FRMD5: variants seen among roughly 807,000 people sequenced by gnomAD.
The protein encoded by FRMD5 is FERM domain containing 5, also known as FERM domain-containing protein 5.
FRMD5 carries 20 observed loss-of-function variants against 69.0 expected under a neutral mutation model. The ratio of observed to expected loss-of-function variants is 0.29; its 90% CI spans 0.20 to 0.42. The LOEUF (loss-of-function observed/expected upper bound fraction) is 0.42, where lower values mean the gene tolerates loss of function less well. FRMD5 is among the 10% of genes least tolerant of loss of function. FRMD5 has a pLI of 1.00. For missense variants in FRMD5, 595 were observed against 708.6 expected, an observed-to-expected ratio of 0.84 and a Z score of 1.82; for synonymous variants, 271 against 260.1, an observed-to-expected ratio of 1.04 and a Z score of -0.40.
At chr15:44,181,970 T>G (rs554507501) in intron 1 of FRMD5, among the ~76,000 whole-genome samples, 4 of 151,880 alleles carry the variant, frequency 2.6e-5, no homozygotes, top group Non-Finnish European at 4.4e-5. Flanking sequence ...GATGGGTTCA[T>G]TTTTTCACCT....
At chr15:44,083,704 C>T (rs1178338709) in intron 1 of FRMD5, among the ~76,000 whole-genome samples, 5 of 151,888 alleles carry the variant, frequency 3.3e-5, no homozygotes, top group African/African-American at 4.8e-5. Flanking sequence ...TGGAATAAAA[C>T]GGGACACATG....
intron 1 of FRMD5, among the ~76,000 whole-genome samples, chr15:43,964,315 C>T (rs963840509): frequency 1.3e-5 from 2 of 151,614 alleles, no homozygotes; most frequent in African/African-American, 4.8e-5. Flanking sequence ...CCTTTTGTGG[C>T]TATTTTCCTG....
At chr15:43,905,623 C>T (rs2089152257) in intron 6 of FRMD5, among the ~76,000 whole-genome samples, 1 of 152,196 alleles carries the variant, frequency 6.6e-6, no homozygotes, top group Admixed American at 6.5e-5. Context: ...AATCGCTTTT[C>T]TTGGAGAGGG....
chr15:44,135,324 G>A (rs909879104), intron 1 of FRMD5, among the ~76,000 whole-genome samples: 1 of 151,862 alleles, frequency 6.6e-6, no homozygotes, highest in Non-Finnish European at 1.5e-5. Context: ...AGCCTACTAT[G>A]AACAAAACAA....
intron 1 of FRMD5, among the ~76,000 whole-genome samples, chr15:44,191,882 A>G (rs1394404226): frequency 1.5e-5 from 2 of 129,284 alleles, no homozygotes; most frequent in Middle Eastern, 8.3e-3. Context: ...GTAAGCTGAT[A>G]AATGTGGTAA....
intron 1 of FRMD5, among the ~76,000 whole-genome samples, chr15:44,177,758 C>T (rs2077924393): frequency 6.6e-6 from 1 of 152,020 alleles, no homozygotes; most frequent in Non-Finnish European, 1.5e-5. Flanking sequence ...TGAAAGAAGC[C>T]AGACTCAAAA....
At chr15:44,179,271 T>C (rs1010016805) in intron 1 of FRMD5, among the ~76,000 whole-genome samples, 3 of 152,180 alleles carry the variant, frequency 2.0e-5, no homozygotes, top group African/African-American at 7.2e-5. Flanking sequence ...TATAAGACTT[T>C]GAATCTGAAA....
chr15:44,096,457 C>T (rs990156517), intron 1 of FRMD5, among the ~76,000 whole-genome samples: 2 of 145,584 alleles, frequency 1.4e-5, no homozygotes, highest in African/African-American at 5.1e-5. Flanking sequence ...GGCTGGAGTA[C>T]AATGGTGTGA....
intron 1 of FRMD5, among the ~76,000 whole-genome samples, 167 bp from the exon 2 acceptor site, chr15:43,924,476 A>T (rs760239852): frequency 4.6e-5 from 7 of 152,108 alleles, no homozygotes; most frequent in Admixed American, 6.5e-5. Flanking sequence ...CACTGTCTGG[A>T]ATCCAGAGGC....
chr15:44,053,575 C>G (rs559100660), intron 1 of FRMD5, among the ~76,000 whole-genome samples: 1 of 152,150 alleles, frequency 6.6e-6, no homozygotes, highest in South Asian at 2.1e-4. Flanking sequence ...ATTGAGAAGA[C>G]TCTGTGACAT....
intron 4 of FRMD5, among the ~76,000 whole-genome samples, chr15:43,910,521 C>A (rs1040950420): frequency 1.4e-5 from 2 of 142,184 alleles, no homozygotes; most frequent in Admixed American, 1.5e-4. Flanking sequence ...GAAGAGTGAG[C>A]CGAGATTGTG....
At chr15:43,934,324 G>C (rs190106830) in intron 1 of FRMD5, among the ~76,000 whole-genome samples, 4 of 152,194 alleles carry the variant, frequency 2.6e-5, no homozygotes, top group Admixed American at 2.0e-4. Context: ...TTCCCTTTCT[G>C]TGCCTCAGTT....
chr15:44,195,305 C>T (rs1208758783), upstream of FRMD5: 2 of 474,228 alleles, frequency 4.2e-6, no homozygotes, highest in African/African-American at 2.1e-5. Flanking sequence ...GTGCCCAGCT[C>T]GCGGGGCGGG....
At chr15:44,066,255 G>C (rs1469327) in intron 1 of FRMD5, among the ~76,000 whole-genome samples, 1 of 152,182 alleles carries the variant, frequency 6.6e-6, no homozygotes, top group Non-Finnish European at 1.5e-5. Flanking sequence ...ATACCTACTA[G>C]CTCTACTAGC....
At chr15:44,151,483 G>A (rs964315768) in intron 1 of FRMD5, among the ~76,000 whole-genome samples, 6 of 151,068 alleles carry the variant, frequency 4.0e-5, no homozygotes, top group Non-Finnish European at 7.4e-5. Context: ...ATAATAATCC[G>A]AAAAGAAAAG....
intron 1 of FRMD5, among the ~76,000 whole-genome samples, chr15:44,181,660 G>A (rs1362508212): frequency 6.6e-6 from 1 of 152,098 alleles, no homozygotes; most frequent in Non-Finnish European, 1.5e-5. Context: ...CCAGCACTTT[G>A]GGATGTTGAC....
intron 1 of FRMD5, among the ~76,000 whole-genome samples, chr15:43,937,583 A>G (rs2089782447): frequency 6.6e-6 from 1 of 150,776 alleles, no homozygotes; most frequent in African/African-American, 2.4e-5. Context: ...GGTTGCAGTG[A>G]GCCAAGATCG....
At chr15:44,115,933 C>CT (rs2076861940) in intron 1 of FRMD5, among the ~76,000 whole-genome samples, 1 of 152,138 alleles carries the variant, frequency 6.6e-6, no homozygotes, top group African/African-American at 2.4e-5. Context: ...CAGGTCCTTT[C>CT]TTTCTCTGGA....
chr15:44,000,613 C>G (rs1016353361), intron 1 of FRMD5, among the ~76,000 whole-genome samples: 49 of 152,060 alleles, frequency 3.2e-4, no homozygotes, highest in African/African-American at 1.2e-3. Context: ...GCAAGTGCCA[C>G]CACACCCAGC....
Sources: gnomAD v4.1 joint callset for allele counts (sites outside exome capture counted in the v4.1 genomes callset) on GRCh38, gnomAD v4.1.1 for gene constraint, MANE v1.5 for transcripts, NCBI Gene and HGNC (gene_info 2026-07-23, HGNC 2026-07-21) for gene names.